PCDHA3: variants seen among roughly 807,000 people sequenced by gnomAD.
PCDHA3 encodes the protein protocadherin alpha 3, also known as protocadherin alpha-3.
Under a neutral mutation model 62.2 loss-of-function variants are expected in PCDHA3, and 41 were observed. That is an observed-to-expected ratio of 0.66 (90% confidence interval 0.51 to 0.86). The LOEUF (loss-of-function observed/expected upper bound fraction) is 0.86. Ranked by LOEUF, PCDHA3 falls within the 40% of genes least tolerant of loss-of-function variation. The pLI is 0.00. For synonymous variants in PCDHA3, 640 were observed against 555.4 expected, an observed-to-expected ratio of 1.15 and a Z score of -2.14; for missense variants, 1,304 against 1,241.2, an observed-to-expected ratio of 1.05 and a Z score of -0.76.
intron 1 of PCDHA3, chr5:140,865,648 T>C (rs769799199): frequency 2.6e-5 from 4 of 152,194 alleles, no homozygotes; most frequent in Non-Finnish European, 4.4e-5. Flanking sequence ...AAATACATTA[T>C]TTCATTTAAT....
At position 140,979,482 on chromosome 5, in the gene PCDHA3, C is replaced by A. The variant is rs568650143; in HGVS notation, c.2453+475C>A. On this transcript the variant is annotated intron_variant, in intron 2 of 3. Coordinates refer to ENST00000522353, the MANE Select transcript of PCDHA3 (RefSeq NM_018906.3). Reference sequence around the variant, plus strand: ...ATTGATTGCTATTGTTGTTTGTGTTCACACCTATTAGAGCCTCCTCATCTT... The same window carrying A: ...ATTGATTGCTATTGTTGTTTGTGTTAACACCTATTAGAGCCTCCTCATCTT... Among the ~76,000 whole-genome samples, 6 of 152,068 alleles carry A rather than the reference C, an allele frequency of 3.9e-5. No homozygotes were observed. In the South Asian group the frequency reaches 1.0e-3, roughly 26 times the overall value.
chr5:140,935,118 T>G (rs189908862), intron 1 of PCDHA3, among the ~76,000 whole-genome samples: 6 of 152,324 alleles, frequency 3.9e-5, no homozygotes, highest in Admixed American at 3.3e-4. Flanking sequence ...AGCTTTCACT[T>G]ATTTTTAGTG....
intron 1 of PCDHA3, chr5:140,842,858 G>A (rs2150346522): frequency 1.3e-6 from 2 of 1,594,076 alleles, no homozygotes; most frequent in South Asian, 2.2e-5. Context: ...GGTGCACACG[G>A]AGAGCGGCAA....
rs2150362585 is a variant in PCDHA3 at position 140,843,552 on chromosome 5, C to A, written c.2394+39961C>A. 3 of 1,595,800 alleles carry A rather than the reference C, an allele frequency of 1.9e-6. 1 individual carries two copies. The highest frequency in any genetic ancestry group is 4.5e-5 in the East Asian group (2 of 44,828). On this transcript the variant is annotated intron_variant, in intron 1 of 3. Coordinates refer to ENST00000522353, the MANE Select transcript of PCDHA3 (RefSeq NM_018906.3). ...AAGCCCACTCTGGTGTGCTCCAGTGCGGTGGGGAGCTGGTCATACTCGCAA... is the reference window on the plus strand; with the variant it reads ...AAGCCCACTCTGGTGTGCTCCAGTGAGGTGGGGAGCTGGTCATACTCGCAA...
chr5:140,823,820 C>G, intron 1 of PCDHA3: 1 of 1,613,790 alleles, frequency 6.2e-7, no homozygotes, highest in Non-Finnish European at 8.5e-7. Context: ...TCGCGGGCGT[C>G]GGCGGGCGCT....
intron 1 of PCDHA3, chr5:140,809,160 C>G: frequency 6.2e-7 from 1 of 1,613,980 alleles, no homozygotes; most frequent in Non-Finnish European, 8.5e-7. Context: ...GGCGAGCCCG[C>G]GCTGACGGCC....
intron 1 of PCDHA3, chr5:140,858,182 A>T: frequency 6.3e-7 from 1 of 1,597,504 alleles, no homozygotes. Flanking sequence ...GCTGGTGCTC[A>T]CGCTGCTGCT....
chr5:140,858,426 A>T, intron 1 of PCDHA3: 9 of 1,551,394 alleles, frequency 5.8e-6, no homozygotes, highest in Non-Finnish European at 7.9e-6. Flanking sequence ...GGAGGGGACC[A>T]CTCTAGGAAG....
chr5:140,812,396 G>A (rs1440130851), intron 1 of PCDHA3: 1 of 151,718 alleles, frequency 6.6e-6, no homozygotes, highest in East Asian at 1.9e-4. Flanking sequence ...GTCTAGCTAA[G>A]GGGCTTGTCA....
At position 140,856,186 on chromosome 5, in the gene PCDHA3, C is replaced by G. The variant is rs1451778566; in HGVS notation, c.2394+52595C>G. 97 of 1,598,138 alleles carry G rather than the reference C, an allele frequency of 6.1e-5. 9 individuals carry two copies. The highest frequency in any genetic ancestry group is 8.0e-5 in the Non-Finnish European group (94 of 1,167,930). Reference sequence around the variant, plus strand: ...CCAGACACGGCACCTTCGTGGGCCGCATCGCGCAGGACCTGGGGCTGGAGC... The same window carrying G: ...CCAGACACGGCACCTTCGTGGGCCGGATCGCGCAGGACCTGGGGCTGGAGC... On this transcript the variant is annotated intron_variant, in intron 1 of 3. Transcript: ENST00000522353.
intron 1 of PCDHA3, chr5:140,853,078 AC>A (rs1285082508): frequency 6.7e-6 from 2 of 297,432 alleles, no homozygotes; most frequent in African/African-American, 4.6e-5. Context: ...ATGGGGTTTC[AC>A]CGTGTTAGTC....
At chr5:140,857,761 C>T in intron 1 of PCDHA3, 1 of 1,597,214 alleles carries the variant, frequency 6.3e-7, no homozygotes. Flanking sequence ...CCGCTGGCAG[C>T]GCGGGCGGTG....
At chr5:140,865,992 T>C (rs1475339451) in intron 1 of PCDHA3, 1 of 152,212 alleles carries the variant, frequency 6.6e-6, no homozygotes, top group Non-Finnish European at 1.5e-5. Flanking sequence ...CACTAAGTTT[T>C]TTTATGTTAA....
chr5:140,992,381 T>C (rs890804495), intron 3 of PCDHA3, among the ~76,000 whole-genome samples: 5 of 152,200 alleles, frequency 3.3e-5, no homozygotes, highest in Admixed American at 1.3e-4. Context: ...TACATTATTG[T>C]GTTCTGGACT....
chr5:140,862,833 G>A (rs868966696), intron 1 of PCDHA3: 1 of 575,582 alleles, frequency 1.7e-6, no homozygotes, highest in Non-Finnish European at 3.3e-6. Flanking sequence ...CGCGCGACGC[G>A]GGCATGCCGC....
At chr5:140,830,195 A>G (rs2150182609) in intron 1 of PCDHA3, 2 of 1,613,696 alleles carry the variant, frequency 1.2e-6, no homozygotes, top group Non-Finnish European at 1.7e-6. Flanking sequence ...GTACCTGATC[A>G]TCGCCATCTG....
intron 1 of PCDHA3, chr5:140,830,788 T>G (rs1554133014): frequency 1.2e-5 from 2 of 161,880 alleles, no homozygotes; most frequent in African/African-American, 4.8e-5. Context: ...TTTTTCTGAT[T>G]AATTATATGG....
At chr5:140,816,507 TTGTGTGTGTGTG>T (rs35639952) in intron 1 of PCDHA3, 1 of 149,440 alleles carries the variant, frequency 6.7e-6, no homozygotes, top group African/African-American at 2.5e-5. Context: ...GGAGGTGTGT[TTGTGTGTGTGTG>T]TGTGTGTGTG....
intron 3 of PCDHA3, among the ~76,000 whole-genome samples, chr5:140,986,669 G>C (rs1448376850): frequency 6.6e-6 from 1 of 152,138 alleles, no homozygotes; most frequent in African/African-American, 2.4e-5. Flanking sequence ...ACAGTTTTCA[G>C]AAGAGTTCAG....
Sources: gnomAD v4.1 joint callset for allele counts (sites outside exome capture counted in the v4.1 genomes callset) on GRCh38, gnomAD v4.1.1 for gene constraint, MANE v1.5 for transcripts, NCBI Gene and HGNC (gene_info 2026-07-23, HGNC 2026-07-21) for gene names.